AUTS2: variants seen among roughly 807,000 people sequenced by gnomAD.
AUTS2 encodes autism susceptibility gene 2 protein.
In AUTS2, 17 loss-of-function variants were observed where a neutral mutation model predicts 112.4. The observed-to-expected ratio is 0.15, with a 90% CI of 0.10 to 0.23. The LOEUF (loss-of-function observed/expected upper bound fraction) is 0.23. Ranked by LOEUF, AUTS2 falls within the 10% of genes least tolerant of loss-of-function variation. The pLI, the probability that AUTS2 is intolerant of heterozygous loss-of-function variation, is 1.00. For synonymous variants in AUTS2, 751 were observed against 702.7 expected, an observed-to-expected ratio of 1.07 and a Z score of -1.09; for missense variants, 1,510 against 1,701.6, an observed-to-expected ratio of 0.89 and a Z score of 1.98.
intron 5 of AUTS2, chr7:70,695,121 TTTG>T (rs1175705574): frequency 6.6e-6 from 1 of 152,040 alleles, no homozygotes; most frequent in Non-Finnish European, 1.5e-5. Context: ...TCGGGGGTCT[TTTG>T]TTGCGGCGGC....
chr7:70,053,048 A>G (rs756291703), intron 2 of AUTS2, among the ~76,000 whole-genome samples: 2 of 152,232 alleles, frequency 1.3e-5, no homozygotes, highest in Non-Finnish European at 2.9e-5. Context: ...ATTTGCTTCA[A>G]GGGATATAAA....
intron 2 of AUTS2, among the ~76,000 whole-genome samples, chr7:70,092,584 G>C (rs1245569663): frequency 6.6e-6 from 1 of 152,192 alleles, no homozygotes; most frequent in Admixed American, 6.5e-5. Context: ...GACTTGGCAT[G>C]CAGACATGAG....
At chr7:70,362,081 G>A (rs1192630612) in intron 4 of AUTS2, among the ~76,000 whole-genome samples, 1 of 152,132 alleles carries the variant, frequency 6.6e-6, no homozygotes, top group Non-Finnish European at 1.5e-5. Flanking sequence ...TTGAAAAGAT[G>A]ACAAATGCTG....
chr7:69,968,084 A>C (rs1162467462), intron 2 of AUTS2, among the ~76,000 whole-genome samples: 3 of 152,224 alleles, frequency 2.0e-5, no homozygotes, highest in African/African-American at 7.2e-5. Context: ...ATAACAGGAA[A>C]GGCAGGATAT....
Position 70,365,505 on chromosome 7 carries a change from C to T in AUTS2, c.661-70247C>T, listed in dbSNP as rs954758323. On this transcript the variant is annotated intron_variant, in intron 4 of 18. Coordinates refer to ENST00000342771, the MANE Select transcript of AUTS2 (RefSeq NM_015570.4). ...TAAAGCACCTGCAATTGACAGAGAA[C>T]GTAAATGGTATTTTTTAAAGGCTAG... Among the ~76,000 whole-genome samples, 5 of 152,128 alleles carry T rather than the reference C, an allele frequency of 3.3e-5. No homozygotes were observed. In the South Asian group the frequency reaches 6.2e-4, roughly 19 times the overall value.
chr7:70,775,076 G>C, intron 12 of AUTS2: 1 of 466,546 alleles, frequency 2.1e-6, no homozygotes, highest in Admixed American at 4.1e-5. Context: ...CTCCTGGTGT[G>C]TGATGTGAGC....
Position 70,631,427 on chromosome 7 carries a change from C to T in AUTS2, c.691-67142C>T, listed in dbSNP as rs1411778566. On this transcript the variant is annotated intron_variant, in intron 5 of 18. Transcript: ENST00000342771. This position sits in a 1 kb window ranked among gnomAD's most constrained non-coding sequence, Gnocchi z 4.5. ...ATGCTGCTCTGTGCGGGAAGAGGCT[C>T]GTTTCAGAGGAAGCGTCCAATGGGC... is the stretch of plus-strand genomic sequence containing the variant. Among the ~76,000 whole-genome samples the T allele has an allele frequency of 6.6e-6, 1 of 152,236 alleles. No individual in the cohort carries two copies. The highest frequency in any genetic ancestry group is 2.4e-5 in the African/African-American group (1 of 41,556).
At chr7:70,280,951 C>G (rs1371997353) in intron 4 of AUTS2, among the ~76,000 whole-genome samples, 2 of 152,156 alleles carry the variant, frequency 1.3e-5, no homozygotes, top group Non-Finnish European at 2.9e-5. Context: ...TTTTACTTCT[C>G]TCCTTCATGG....
intron 1 of AUTS2, among the ~76,000 whole-genome samples, chr7:69,759,962 G>A (rs1236478839): frequency 6.6e-6 from 1 of 151,456 alleles, no homozygotes; most frequent in African/African-American, 2.4e-5. Flanking sequence ...TGCATTTTGT[G>A]TGATTTATTG....
intron 4 of AUTS2, among the ~76,000 whole-genome samples, chr7:70,414,468 G>A (rs927943160): frequency 1.3e-5 from 2 of 152,124 alleles, no homozygotes; most frequent in African/African-American, 2.4e-5. Context: ...GCTCTGTGTC[G>A]CTTAGAACTG....
chr7:70,224,652 T>C (rs1811672805), intron 4 of AUTS2, among the ~76,000 whole-genome samples: 1 of 152,190 alleles, frequency 6.6e-6, no homozygotes, highest in African/African-American at 2.4e-5. Flanking sequence ...TAGTATACAA[T>C]AATGTCCTAG....
intron 4 of AUTS2, among the ~76,000 whole-genome samples, chr7:70,307,292 T>G (rs1789535190): frequency 6.6e-6 from 1 of 152,226 alleles, no homozygotes; most frequent in African/African-American, 2.4e-5. Flanking sequence ...TCGGTCAGTT[T>G]GAAAATCATA....
At chr7:70,635,636 G>A (rs1805496445) in intron 5 of AUTS2, among the ~76,000 whole-genome samples, 1 of 152,204 alleles carries the variant, frequency 6.6e-6, no homozygotes, top group Non-Finnish European at 1.5e-5. Flanking sequence ...GAAGGAGAGA[G>A]GTGAGAAGAG....
chr7:69,992,384 A>G (rs1472788937), intron 2 of AUTS2, among the ~76,000 whole-genome samples: 1 of 152,200 alleles, frequency 6.6e-6, no homozygotes, highest in East Asian at 1.9e-4. Flanking sequence ...GAGTAAGAAT[A>G]AAAAGAGCAG....
intron 2 of AUTS2, among the ~76,000 whole-genome samples, chr7:70,032,999 A>G (rs1477266213): frequency 6.6e-6 from 1 of 152,186 alleles, no homozygotes; most frequent in Admixed American, 6.5e-5. Context: ...AGAGATGGAA[A>G]GTTGGAAAGT....
chr7:70,774,294 A>G, intron 12 of AUTS2, 195 bp downstream of exon 12: 3 of 569,404 alleles, frequency 5.3e-6, no homozygotes, highest in Admixed American at 3.1e-5. Flanking sequence ...AGCATAGGAC[A>G]CAAAGAGACC....
chr7:69,759,992 A>C (rs1353315658), intron 1 of AUTS2, among the ~76,000 whole-genome samples: 3 of 151,730 alleles, frequency 2.0e-5, no homozygotes, highest in Non-Finnish European at 4.4e-5. Flanking sequence ...TGAAAGAAAA[A>C]AGTTTATTTA....
intron 2 of AUTS2, among the ~76,000 whole-genome samples, chr7:70,007,469 T>C (rs1476068473): frequency 6.6e-6 from 1 of 152,186 alleles, no homozygotes; most frequent in Admixed American, 6.6e-5. Flanking sequence ...ACATTAATAT[T>C]GTGGCCATTT....
chr7:69,923,043 T>C (rs1795875603), intron 2 of AUTS2, among the ~76,000 whole-genome samples: 1 of 152,210 alleles, frequency 6.6e-6, no homozygotes, highest in Non-Finnish European at 1.5e-5. Context: ...TTGGTCCATG[T>C]TATGTATTTG....
Sources: allele counts gnomAD v4.1 joint callset (sites outside exome capture counted in the v4.1 genomes callset), GRCh38; gene constraint gnomAD v4.1.1; non-coding constraint Gnocchi (gnomAD v3.1); transcripts MANE v1.5; gene names NCBI Gene and HGNC (gene_info 2026-07-23, HGNC 2026-07-21).